MIPOL1: variants seen among roughly 807,000 people sequenced by gnomAD.
MIPOL1 encodes mirror-image polydactyly gene 1 protein.
A neutral mutation model predicts 60.9 loss-of-function variants in MIPOL1; 57 were observed. That is an observed-to-expected ratio of 0.94 (90% CI 0.76 to 1.17). MIPOL1 has a LOEUF of 1.17. Among genes scored for constraint, MIPOL1 ranks in the 50% most tolerant of loss-of-function variants. MIPOL1 has a pLI of 0.00. For missense variants in MIPOL1, 551 were observed against 511.6 expected (o/e 1.08, Z -0.74); for synonymous variants, 179 against 168.8 (o/e 1.06, Z -0.47).
intron 11 of MIPOL1, among the ~76,000 whole-genome samples, chr14:37,426,798 G>A (rs2093976268): frequency 6.6e-6 from 1 of 151,462 alleles, no homozygotes; most frequent in Admixed American, 6.6e-5. Flanking sequence ...CAGATAAATC[G>A]TACATATTGA....
intron 11 of MIPOL1, among the ~76,000 whole-genome samples, chr14:37,462,307 G>A (rs528582956): frequency 1.5e-4 from 23 of 152,314 alleles, no homozygotes; most frequent in Admixed American, 4.6e-4. Flanking sequence ...GGGATGCAGG[G>A]CACCAAGTCC....
intron 9 of MIPOL1, among the ~76,000 whole-genome samples, chr14:37,315,539 A>G (rs1177034847): frequency 1.3e-5 from 2 of 152,166 alleles, no homozygotes. Flanking sequence ...TTTGGGAAAT[A>G]TTTTGAAAGT....
At chr14:37,519,261 A>T (rs1462450032) in intron 12 of MIPOL1, among the ~76,000 whole-genome samples, 2 of 152,186 alleles carry the variant, frequency 1.3e-5, no homozygotes, top group Non-Finnish European at 2.9e-5. Flanking sequence ...GATTTAGGAT[A>T]GCAACTGCCT....
At chr14:37,341,756 A>C (rs2090591650) in intron 9 of MIPOL1, among the ~76,000 whole-genome samples, 1 of 152,182 alleles carries the variant, frequency 6.6e-6, no homozygotes, top group Non-Finnish European at 1.5e-5. Context: ...CAAAGTTCTA[A>C]TTTTAAAATA....
chr14:37,312,274 A>G (rs1024368590), intron 9 of MIPOL1, among the ~76,000 whole-genome samples: 4 of 151,942 alleles, frequency 2.6e-5, no homozygotes, highest in African/African-American at 9.7e-5. Context: ...CACCTGGCTA[A>G]TTTTTTGTAC....
intron 9 of MIPOL1, among the ~76,000 whole-genome samples, chr14:37,366,424 C>T (rs1294218373): frequency 6.6e-6 from 1 of 152,086 alleles, no homozygotes; most frequent in Non-Finnish European, 1.5e-5. Context: ...CATTCAGGAG[C>T]ATATTGTTTA....
chr14:37,440,322 A>G (rs1006915648), intron 11 of MIPOL1, among the ~76,000 whole-genome samples: 1 of 152,206 alleles, frequency 6.6e-6, no homozygotes, highest in Non-Finnish European at 1.5e-5. Flanking sequence ...GTTTCATTAC[A>G]TGCGCAAATT....
At chr14:37,324,766 G>A (rs1024576233) in intron 9 of MIPOL1, among the ~76,000 whole-genome samples, 3 of 152,018 alleles carry the variant, frequency 2.0e-5, no homozygotes, top group Non-Finnish European at 4.4e-5. Flanking sequence ...TTAAACAGGT[G>A]AATATCCAGT....
At chr14:37,430,412 A>G (rs2094040033) in intron 11 of MIPOL1, among the ~76,000 whole-genome samples, 1 of 152,096 alleles carries the variant, frequency 6.6e-6, no homozygotes, top group African/African-American at 2.4e-5. Context: ...CTTTAAATTT[A>G]AAAATTTACA....
At chr14:37,425,556 G>C (rs981842004) in intron 11 of MIPOL1, among the ~76,000 whole-genome samples, 1 of 152,134 alleles carries the variant, frequency 6.6e-6, no homozygotes, top group African/African-American at 2.4e-5. Context: ...ATGTGTGGTC[G>C]TGTATAAATG....
At chr14:37,348,983 C>CTTTTTTTTT (rs11347957) in intron 9 of MIPOL1, among the ~76,000 whole-genome samples, 2 of 74,124 alleles carry the variant, frequency 2.7e-5, no homozygotes, top group Non-Finnish European at 2.2e-5. Context: ...CCAGCTAATT[C>CTTTTTTTTT]TTTTTTTTTT....
intron 12 of MIPOL1, among the ~76,000 whole-genome samples, chr14:37,525,059 G>A (rs2095438850): frequency 6.6e-6 from 1 of 152,104 alleles, no homozygotes; most frequent in African/African-American, 2.4e-5. Context: ...ATGAATGAGA[G>A]TAGTTCGTGT....
intron 11 of MIPOL1, among the ~76,000 whole-genome samples, chr14:37,470,527 G>T (rs568686316): frequency 6.6e-6 from 1 of 152,136 alleles, no homozygotes; most frequent in South Asian, 2.1e-4. Flanking sequence ...GTGAAGATGT[G>T]CCTGCTTTCC....
At chr14:37,256,784 C>T (rs1385149277) in intron 3 of MIPOL1, among the ~76,000 whole-genome samples, 1 of 149,790 alleles carries the variant, frequency 6.7e-6, no homozygotes, top group African/African-American at 2.4e-5. Context: ...TTTAATAGGA[C>T]TTTTGCTTTC....
chr14:37,531,874 C>A (rs1594901208), intron 12 of MIPOL1, among the ~76,000 whole-genome samples: 2 of 152,114 alleles, frequency 1.3e-5, no homozygotes, highest in African/African-American at 4.8e-5. Context: ...CTATATGCCT[C>A]CTCTGCTCTA....
chr14:37,381,372 G>A (rs1372051872), intron 10 of MIPOL1, among the ~76,000 whole-genome samples: 2 of 151,832 alleles, frequency 1.3e-5, no homozygotes, highest in African/African-American at 2.4e-5. Context: ...TTGACTTTTC[G>A]TATTACAATG....
intron 9 of MIPOL1, among the ~76,000 whole-genome samples, chr14:37,327,609 G>A (rs1310527447): frequency 6.6e-6 from 1 of 152,142 alleles, no homozygotes; most frequent in Non-Finnish European, 1.5e-5. Flanking sequence ...TTAGCTGACA[G>A]TGAAAGTGGA....
At chr14:37,493,899 A>T (rs17106785) in intron 11 of MIPOL1, among the ~76,000 whole-genome samples, 1 of 152,206 alleles carries the variant, frequency 6.6e-6, no homozygotes, top group East Asian at 1.9e-4. Flanking sequence ...ATATGTTCCT[A>T]TACAACTTAA....
intron 9 of MIPOL1, among the ~76,000 whole-genome samples, chr14:37,333,058 G>A (rs1444024376): frequency 6.6e-6 from 1 of 152,162 alleles, no homozygotes; most frequent in African/African-American, 2.4e-5. Flanking sequence ...ATTTTATGCA[G>A]TTATGATCTA....
Sources: gnomAD v4.1 joint callset for allele counts (sites outside exome capture counted in the v4.1 genomes callset) on GRCh38, gnomAD v4.1.1 for gene constraint, MANE v1.5 for transcripts, NCBI Gene and HGNC (gene_info 2026-07-23, HGNC 2026-07-21) for gene names.